Variants in RGS9BP observed in about 807,000 individuals in gnomAD.
RGS9BP encodes the protein regulator of G protein signaling 9 binding protein, also known as regulator of G protein signaling 9-binding protein.
Under a neutral mutation model 3.8 loss-of-function variants are expected in RGS9BP, and 1 was observed. That is an observed-to-expected ratio of 0.26 (90% CI 0.09 to 1.24). RGS9BP has a LOEUF of 1.24. Among genes scored for constraint, RGS9BP ranks in the 50% most tolerant of loss-of-function variants. The probability of loss-of-function intolerance (pLI) is 0.48; values close to 1 mark genes in which losing one functional copy is unlikely to be tolerated. For missense variants in RGS9BP, 363 were observed against 344.3 expected (o/e 1.05, Z -0.43); for synonymous variants, 200 against 177.8 (o/e 1.13, Z -1.00).
rs1032352368 is a variant in RGS9BP at position 32,675,935 on chromosome 19, G to C, written c.-329G>C. ...GGAGTTGGCACCCACGGAGGATGGG[G>C]ACCGCACCCTCAGCTTCGCAGGGAG... On this transcript the variant is annotated 5_prime_UTR_variant, in exon 1 of 1. Transcript: ENST00000334176. 4 of 270,436 alleles carry C rather than the reference G, an allele frequency of 1.5e-5. No homozygotes were observed. In the Admixed American group the frequency reaches 2.2e-4, roughly 15 times the overall value. 16.8% of individuals were successfully genotyped at this position (270,436 alleles called of 1,614,324 possible).
rs999013240 is a variant in RGS9BP at position 32,677,087 on chromosome 19, G to A, written c.*116G>A. The A allele has an allele frequency of 1.0e-5, 9 of 872,262 alleles. No homozygotes were observed. Among genetic ancestry groups the A allele is most frequent in the Non-Finnish European group, 1.7e-5 (9 of 533,340 alleles). 54.0% of individuals were successfully genotyped at this position (872,262 alleles called of 1,614,324 possible). ...GTCCTAAAACCCCGTGTGTGCATGG[G>A]TACACGCGCGTTTCCAGTGCACATC... is the stretch of plus-strand genomic sequence containing the variant. On this transcript the variant is annotated 3_prime_UTR_variant, in exon 1 of 1. Coordinates refer to ENST00000334176, the MANE Select transcript of RGS9BP (RefSeq NM_207391.3).
Position 32,677,054 on chromosome 19 carries a change from G to C in RGS9BP, c.*83G>C. On this transcript the variant is annotated 3_prime_UTR_variant, in exon 1 of 1. Coordinates refer to ENST00000334176, the MANE Select transcript of RGS9BP (RefSeq NM_207391.3). ...TGGGTGTGGGGTCTGGCCTGTGCAAGGGGAGTGGTCCTAAAACCCCGTGTG... is the reference window on the plus strand; with the variant it reads ...TGGGTGTGGGGTCTGGCCTGTGCAACGGGAGTGGTCCTAAAACCCCGTGTG... 1.6e-6 allele frequency: 2 copies of C among 1,253,020 alleles called. No individual in the cohort carries two copies. The highest frequency in any genetic ancestry group is 1.3e-5 in the South Asian group (1 of 77,944). The allele number at this position is 1,253,020 out of a possible 1,614,324, so 77.6% of individuals were successfully genotyped here.
At position 32,676,869 on chromosome 19, in the gene RGS9BP, CG is replaced by C. The variant is rs757764760; in HGVS notation, c.614del (p.Gly205ValfsTer23). 6.0e-5 allele frequency: 96 copies of C among 1,589,948 alleles called. No homozygotes were observed. Among genetic ancestry groups the C allele is most frequent in the Admixed American group, 1.7e-4 (10 of 58,732 alleles). On this transcript the variant is annotated frameshift_variant, in exon 1 of 1. Coordinates refer to ENST00000334176, the MANE Select transcript of RGS9BP (RefSeq NM_207391.3). LOFTEE classifies it high-confidence loss of function. ...CCTCGGTCGTGTCCTTGCAGGAGCG[CG>C]GGGGGGGTTGCGACCCCAGGAAGGC... ...PSSVVSLQER[G>X]GGCDPRKALA...
chr19:32,676,389 G>A lies in RGS9BP; in HGVS notation c.126G>A (p.Lys42=). The change falls in exon 1 of 1, where the codon AAG becomes AAA. Residue 42 remains lysine (K), a synonymous_variant. Coordinates refer to ENST00000334176, the MANE Select transcript of RGS9BP (RefSeq NM_207391.3). ...DSQNLRQELQ[K]TRQKAQELAV... The stretch of plus-strand genomic sequence containing the variant: ...AGAACCTGCGGCAGGAGCTGCAAAA[G>A]ACGCGCCAGAAGGCGCAGGAGCTGG... The A allele has an allele frequency of 5.0e-6, 8 of 1,609,968 alleles. No homozygotes were observed. Among genetic ancestry groups the A allele is most frequent in the Non-Finnish European group, 6.8e-6 (8 of 1,179,266 alleles).
In RGS9BP at chr19:32,676,628, C is replaced by G. The variant is rs749927570; in HGVS notation, c.365C>G (p.Ser122Cys). ...CGCACAGGTGTGGCTGGCGCCTCCT[C>G]CGGCGTGGCGGCGCGCGCGCTGAGC... is the stretch of plus-strand genomic sequence containing the variant. ...LVRTGVAGASSGVAARALSTR... is the reference protein window; with the variant it reads ...LVRTGVAGASCGVAARALSTR... The change falls in exon 1 of 1, where the codon TCC becomes TGC. Residue 122 changes from serine to cysteine, a missense_variant. Physicochemically the swap from Ser to Cys is moderately radical, Grantham distance 112 (BLOSUM62 -1). Coordinates refer to ENST00000334176, the MANE Select transcript of RGS9BP (RefSeq NM_207391.3). 3.7e-5 allele frequency: 56 copies of G among 1,530,594 alleles called. No homozygotes were observed. The South Asian group carries it at 4.2e-4, about 11-fold the overall frequency. 94.8% of individuals were successfully genotyped at this position (1,530,594 alleles called of 1,614,324 possible).
At position 32,676,345 on chromosome 19, in the gene RGS9BP, G is replaced by C; in HGVS notation, c.82G>C (p.Gly28Arg). The C allele has an allele frequency of 6.2e-7, 1 of 1,611,186 alleles. No individual in the cohort carries two copies. Among genetic ancestry groups the C allele is most frequent in the Non-Finnish European group, 8.5e-7 (1 of 1,179,176 alleles). ...ACYHHLVLTV[G>R]GSADSQNLRQ... ...CTACCACCACCTGGTGCTGACCGTC[G>C]GTGGCTCGGCGGACTCGCAGAACCT... Residue 28 changes from glycine (G) to arginine (R), a missense_variant, in exon 1 of 1, where the codon GGT becomes CGT. Physicochemically the swap from Gly to Arg is moderately radical, Grantham distance 125 (BLOSUM62 -2). Transcript: ENST00000334176.
chr19:32,676,978 C>T lies in RGS9BP; in HGVS notation c.*7C>T. 1 of 1,594,170 alleles carries T rather than the reference C, an allele frequency of 6.3e-7. No homozygotes were observed. Among genetic ancestry groups the T allele is most frequent in the Non-Finnish European group, 8.5e-7 (1 of 1,172,400 alleles). On this transcript the variant is annotated 3_prime_UTR_variant, in exon 1 of 1. Coordinates refer to ENST00000334176, the MANE Select transcript of RGS9BP (RefSeq NM_207391.3). ...CGTGGCGAAGCTGAGCTGACGGACA[C>T]CCGACGGCCGCCTGCTGCTGCCGCT...
chr19:32,676,529 T>G lies in RGS9BP; in HGVS notation c.266T>G (p.Leu89Arg). Reference protein sequence around the residue: ...WVAFSGCLDLLEADMRRALEL... With the variant: ...WVAFSGCLDLREADMRRALEL... The stretch of plus-strand genomic sequence containing the variant: ...GCCTTCTCGGGCTGCCTGGACCTGC[T>G]GGAAGCGGACATGCGACGCGCGCTG... Residue 89 changes from leucine to arginine, a missense_variant, in exon 1 of 1, where the codon CTG (leucine) becomes CGG (arginine). Transcript: ENST00000334176. The G allele has an allele frequency of 6.6e-7, 1 of 1,511,456 alleles. No homozygotes were observed. Among genetic ancestry groups the G allele is most frequent in the Non-Finnish European group, 8.8e-7 (1 of 1,137,542 alleles). 93.6% of individuals were successfully genotyped at this position (1,511,456 alleles called of 1,614,324 possible).
In RGS9BP at chr19:32,676,027, ACGAGGGAG is replaced by A. The variant is rs1485734784; in HGVS notation, c.-234_-227del. On this transcript the variant is annotated 5_prime_UTR_variant, in exon 1 of 1. The change abolishes the stop of an existing upstream ORF in the 5' untranslated region. Coordinates refer to ENST00000334176, the MANE Select transcript of RGS9BP (RefSeq NM_207391.3). ...CTCGGAGTGCGCCTGGGGAGGATGG[ACGAGGGAG>A]CGGGGGACCGCTAACGGGGCTCCCT... 1 of 510,842 alleles carries A rather than the reference ACGAGGGAG, an allele frequency of 2.0e-6. No individual in the cohort carries two copies. The highest frequency in any genetic ancestry group is 3.5e-5 in the East Asian group (1 of 28,838). 31.6% of individuals were successfully genotyped at this position (510,842 alleles called of 1,614,324 possible).
At position 32,676,320 on chromosome 19, in the gene RGS9BP, C is replaced by A; in HGVS notation, c.57C>A (p.Cys19Ter). Residue 19 changes from cysteine (C) to a stop codon, truncating the protein, a stop_gained, in exon 1 of 1, where the codon TGC becomes TGA. Coordinates refer to ENST00000334176, the MANE Select transcript of RGS9BP (RefSeq NM_207391.3). LOFTEE classifies it high-confidence loss of function. ...LLDGLNKTTA[C>*]YHHLVLTVGG... ...ACGGGCTCAACAAGACGACTGCGTG[C>A]TACCACCACCTGGTGCTGACCGTCG... The A allele has an allele frequency of 6.2e-7, 1 of 1,610,136 alleles. No individual in the cohort carries two copies. The highest frequency in any genetic ancestry group is 2.2e-5 in the East Asian group (1 of 44,750).
In RGS9BP at chr19:32,677,808, C is replaced by A. The variant is rs1470814454; in HGVS notation, c.*837C>A. ...CTGGTGTTTAAACAGGCACTTTCTC[C>A]TTCTCTGGGGCTTATTTTTGTTCAG... On this transcript the variant is annotated 3_prime_UTR_variant, in exon 1 of 1. Coordinates refer to ENST00000334176, the MANE Select transcript of RGS9BP (RefSeq NM_207391.3). 3 of 167,122 alleles carry A rather than the reference C, an allele frequency of 1.8e-5. No individual in the cohort carries two copies. Among genetic ancestry groups the A allele is most frequent in the African/African-American group, 7.2e-5 (3 of 41,450 alleles). 10.4% of individuals were successfully genotyped at this position (167,122 alleles called of 1,614,324 possible). A position where few individuals can be genotyped will look rare whatever the true frequency, so the allele number is the denominator to read the frequency against.
rs1329268305 is a variant in RGS9BP at position 32,675,920 on chromosome 19, C to G, written c.-344C>G. 3 of 235,340 alleles carry G rather than the reference C, an allele frequency of 1.3e-5. No individual in the cohort carries two copies. Among genetic ancestry groups the G allele is most frequent in the Non-Finnish European group, 2.5e-5 (3 of 121,532 alleles). The allele number at this position is 235,340 out of a possible 1,614,324, so 14.6% of individuals were successfully genotyped here. A position where few individuals can be genotyped will look rare whatever the true frequency, so the allele number is the denominator to read the frequency against. ...CAGCCTGCTTGCCCCGGAGTTGGCA[C>G]CCACGGAGGATGGGGACCGCACCCT... On this transcript the variant is annotated 5_prime_UTR_variant, in exon 1 of 1. Coordinates refer to ENST00000334176, the MANE Select transcript of RGS9BP (RefSeq NM_207391.3).
At position 32,676,986 on chromosome 19, in the gene RGS9BP, C is replaced by T. The variant is rs1340462751; in HGVS notation, c.*15C>T. On this transcript the variant is annotated 3_prime_UTR_variant, in exon 1 of 1. Transcript: ENST00000334176. ...AGCTGAGCTGACGGACACCCGACGG[C>T]CGCCTGCTGCTGCCGCTCCCTCCCC... The T allele has an allele frequency of 1.3e-6, 2 of 1,585,636 alleles. No homozygotes were observed. The highest frequency in any genetic ancestry group is 1.7e-6 in the Non-Finnish European group (2 of 1,166,216).
chr19:32,676,704 G>T lies in RGS9BP; in HGVS notation c.441G>T (p.Leu147=). 1 of 1,540,092 alleles carries T rather than the reference G, an allele frequency of 6.5e-7. No individual in the cohort carries two copies. Among genetic ancestry groups the T allele is most frequent in the Non-Finnish European group, 8.7e-7 (1 of 1,149,254 alleles). ...EAEGDFDVAD[L]RELEREVLQV... is the part of the protein sequence containing the mutation. ...AGGGCGACTTCGACGTCGCGGACCT[G>T]CGGGAGCTGGAGCGCGAGGTCCTTC... is the stretch of plus-strand genomic sequence containing the variant. Residue 147 remains leucine, a synonymous_variant, in exon 1 of 1, where the codon CTG becomes CTT. Transcript: ENST00000334176.
Position 32,676,193 on chromosome 19 carries a change from A to T in RGS9BP, c.-71A>T. 9.2e-7 allele frequency: 1 copy of T among 1,088,364 alleles called. No homozygotes were observed. The highest frequency in any genetic ancestry group is 1.3e-6 in the Non-Finnish European group (1 of 755,698). The allele number at this position is 1,088,364 out of a possible 1,614,324, so 67.4% of individuals were successfully genotyped here. On this transcript the variant is annotated 5_prime_UTR_variant, in exon 1 of 1. Transcript: ENST00000334176. ...GCGGCCCAAGGCCGGGATGGGGGTT[A>T]GCCACATCCTGCCGCGCTGAGGGGG... is the stretch of plus-strand genomic sequence containing the variant.
At position 32,676,602 on chromosome 19, in the gene RGS9BP, G is replaced by A; in HGVS notation, c.339G>A (p.Val113=). 1.3e-6 allele frequency: 2 copies of A among 1,492,460 alleles called. No homozygotes were observed. Among genetic ancestry groups the A allele is most frequent in the Non-Finnish European group, 1.8e-6 (2 of 1,129,276 alleles). 92.5% of individuals were successfully genotyped at this position (1,492,460 alleles called of 1,614,324 possible). A position where few individuals can be genotyped will look rare whatever the true frequency, so the allele number is the denominator to read the frequency against. ...FPLHAPRRPL[V]RTGVAGASSG... Reference sequence around the variant, plus strand: ...TGCACGCGCCGCGGCGGCCGCTGGTGCGCACAGGTGTGGCTGGCGCCTCCT... The same window carrying A: ...TGCACGCGCCGCGGCGGCCGCTGGTACGCACAGGTGTGGCTGGCGCCTCCT... The change falls in exon 1 of 1, where the codon GTG becomes GTA. Residue 113 remains valine (V), a synonymous_variant. Transcript: ENST00000334176.
chr19:32,676,041 G>A lies in RGS9BP; in HGVS notation c.-223G>A, dbSNP rs1967988862. 7.7e-6 allele frequency: 4 copies of A among 518,812 alleles called. No individual in the cohort carries two copies. Among genetic ancestry groups the A allele is most frequent in the Non-Finnish European group, 1.4e-5 (4 of 296,126 alleles). The allele number at this position is 518,812 out of a possible 1,614,324, so 32.1% of individuals were successfully genotyped here. On this transcript the variant is annotated 5_prime_UTR_variant, in exon 1 of 1. Coordinates refer to ENST00000334176, the MANE Select transcript of RGS9BP (RefSeq NM_207391.3). ...GGGGAGGATGGACGAGGGAGCGGGG[G>A]ACCGCTAACGGGGCTCCCTCTGCGC...
rs765931342 is a variant in RGS9BP, at chr19:32,676,820, T to C, written c.557T>C (p.Leu186Pro). 6.3e-7 allele frequency: 1 copy of C among 1,585,614 alleles called. No individual in the cohort carries two copies. Among genetic ancestry groups the C allele is most frequent in the Admixed American group, 1.7e-5 (1 of 57,562 alleles). ...CGGCAGGCGGCGGGCGCCGAGCTCC[T>C]GTCCACGGTCAGCGCCGGCCCCTCC... ...QARQAAGAEL[L>P]STVSAGPSSV... The change falls in exon 1 of 1, where the codon CTG (leucine) becomes CCG (proline). Residue 186 changes from leucine (L) to proline (P), a missense_variant. Physicochemically the swap from Leu to Pro is moderately conservative, Grantham distance 98. Transcript: ENST00000334176.
chr19:32,676,440 T>G lies in RGS9BP; in HGVS notation c.177T>G (p.Thr59=). 1 of 1,589,430 alleles carries G rather than the reference T, an allele frequency of 6.3e-7. No individual in the cohort carries two copies. Among genetic ancestry groups the G allele is most frequent in the South Asian group, 1.1e-5 (1 of 89,506 alleles). Residue 59 remains threonine (T), a synonymous_variant, in exon 1 of 1, where the codon ACT becomes ACG. Transcript: ENST00000334176. ...ELAVSTCARL[T]AVLRDRGLAA... ...CGGTGTCCACCTGCGCCCGGCTGACTGCTGTGCTGCGCGACCGGGGCCTGG... is the reference window on the plus strand; with the variant it reads ...CGGTGTCCACCTGCGCCCGGCTGACGGCTGTGCTGCGCGACCGGGGCCTGG...
Sources: gnomAD v4.1 joint callset for allele counts on GRCh38, gnomAD v4.1.1 for gene constraint, MANE v1.5 for transcripts, NCBI Gene and HGNC (gene_info 2026-07-23, HGNC 2026-07-21) for gene names.